SPTSSA: variants seen among roughly 807,000 people sequenced by gnomAD.
SPTSSA encodes serine palmitoyltransferase small subunit A.
SPTSSA carries 8 observed loss-of-function variants against 9.1 expected under a neutral mutation model. That is an observed-to-expected ratio of 0.88 (90% confidence interval 0.51 to 1.58). The LOEUF (loss-of-function observed/expected upper bound fraction) is 1.58, where lower values mean the gene tolerates loss of function less well. Ranked by LOEUF, SPTSSA falls within the 40% of genes most tolerant of loss-of-function variation. The pLI, the probability that SPTSSA is intolerant of heterozygous loss-of-function variation, is 0.00. For missense variants in SPTSSA, 100 were observed against 93.8 expected, an observed-to-expected ratio of 1.07 and a Z score of -0.27; for synonymous variants, 42 against 37.7, an observed-to-expected ratio of 1.11 and a Z score of -0.41.
At position 34,433,948 on chromosome 14, in the gene SPTSSA, G is replaced by A. The variant is rs983930766; in HGVS notation, c.*1253C>T. On this transcript the variant is annotated 3_prime_UTR_variant, in exon 2 of 2. Transcript: ENST00000298130. ...GTTGCACTCCATCCTGGGCGACAGG[G>A]CAAGACTCCGTCTCAAAAAAAAAAA... is the stretch of plus-strand genomic sequence containing the variant. 2.0e-5 allele frequency: 3 copies of A among 148,174 alleles called. No homozygotes were observed. Among genetic ancestry groups the A allele is most frequent in the African/African-American group, 7.6e-5 (3 of 39,424 alleles). The allele number at this position is 148,174 out of a possible 1,614,324, so 9.2% of individuals were successfully genotyped here. A position where few individuals can be genotyped will look rare whatever the true frequency, so the allele number is the denominator to read the frequency against.
At chr14:34,444,447 T>C (rs28825399) in intron 1 of SPTSSA, among the ~76,000 whole-genome samples, 13,859 of 152,150 alleles carry the variant, frequency 0.091, 1,330 homozygotes, top group African/African-American at 0.24. Flanking sequence ...ACGTTTTACA[T>C]TAAAGTTAAA....
chr14:34,434,602 A>G lies in SPTSSA; in HGVS notation c.*599T>C, dbSNP rs1024179535. The stretch of plus-strand genomic sequence containing the variant: ...TAGCAAGATCTTTTCTTTTTCATTA[A>G]GAAACACTTTAATAATTTTAAAGCA... On this transcript the variant is annotated 3_prime_UTR_variant, in exon 2 of 2. Transcript: ENST00000298130. 2.0e-5 allele frequency: 3 copies of G among 152,674 alleles called. No homozygotes were observed. Among genetic ancestry groups the G allele is most frequent in the Non-Finnish European group, 4.4e-5 (3 of 68,040 alleles). 9.5% of individuals were successfully genotyped at this position (152,674 alleles called of 1,614,324 possible).
intron 1 of SPTSSA, among the ~76,000 whole-genome samples, chr14:34,439,186 T>TAAAA (rs1489905543): frequency 6.6e-6 from 1 of 152,156 alleles, no homozygotes; most frequent in Non-Finnish European, 1.5e-5. Flanking sequence ...TGACCTTTTG[T>TAAAA]ATCTTCTTAT....
intron 1 of SPTSSA, among the ~76,000 whole-genome samples, chr14:34,441,806 T>A (rs1283778425): frequency 6.6e-6 from 1 of 152,084 alleles, no homozygotes; most frequent in Admixed American, 6.6e-5. Flanking sequence ...CACCGCCCAG[T>A]TCGCTTAAAC....
chr14:34,452,706 G>C (rs1883550451), intron 1 of SPTSSA, among the ~76,000 whole-genome samples: 1 of 152,108 alleles, frequency 6.6e-6, no homozygotes, highest in South Asian at 2.1e-4. Flanking sequence ...TTATTGATTT[G>C]AGCTTCTATT....
At chr14:34,447,856 A>C (rs72673420) in intron 1 of SPTSSA, among the ~76,000 whole-genome samples, 214 of 137,810 alleles carry the variant, frequency 1.6e-3, no homozygotes, top group Middle Eastern at 7.0e-3. Flanking sequence ...TAAATCTTTT[A>C]ACCAAATTCA....
At chr14:34,454,595 CA>C (rs1341071068) in intron 1 of SPTSSA, among the ~76,000 whole-genome samples, 4 of 152,124 alleles carry the variant, frequency 2.6e-5, no homozygotes, top group Non-Finnish European at 5.9e-5. Flanking sequence ...CAAACTAAAG[CA>C]GTAGGGCCCT....
At chr14:34,435,623 C>CTTTTTTT (rs769896697) in intron 1 of SPTSSA, among the ~76,000 whole-genome samples, 1,228 of 92,298 alleles carry the variant, frequency 0.013, 16 homozygotes, top group Non-Finnish European at 0.017. Context: ...GTTTGTTTCT[C>CTTTTTTT]TTTTTTTTTT....
intron 1 of SPTSSA, among the ~76,000 whole-genome samples, chr14:34,461,201 A>T (rs1566428140): frequency 1.3e-5 from 2 of 152,048 alleles, no homozygotes; most frequent in Admixed American, 1.3e-4. Context: ...GTTACATCTC[A>T]TTCATTATCA....
chr14:34,441,118 A>G (rs1420404522), intron 1 of SPTSSA, among the ~76,000 whole-genome samples: 1 of 152,154 alleles, frequency 6.6e-6, no homozygotes, highest in Non-Finnish European at 1.5e-5. Flanking sequence ...CTGTCTCCCA[A>G]AAAAAGAGAA....
At chr14:34,448,634 C>G (rs997495721) in intron 1 of SPTSSA, among the ~76,000 whole-genome samples, 1 of 152,170 alleles carries the variant, frequency 6.6e-6, no homozygotes, top group Admixed American at 6.5e-5. Context: ...TGTAACCGGG[C>G]CTTTGAGCCC....
intron 1 of SPTSSA, among the ~76,000 whole-genome samples, chr14:34,449,539 T>C (rs1214814718): frequency 7.6e-6 from 1 of 131,820 alleles, no homozygotes; most frequent in Non-Finnish European, 1.6e-5. Context: ...TTTCTTGCTC[T>C]GTATCCAGGC....
intron 1 of SPTSSA, among the ~76,000 whole-genome samples, chr14:34,460,146 G>A (rs1481183036): frequency 6.6e-6 from 1 of 152,160 alleles, no homozygotes; most frequent in Non-Finnish European, 1.5e-5. Flanking sequence ...CTATCAGATA[G>A]TTTTAAATGA....
At chr14:34,451,020 GA>G (rs1441295471) in intron 1 of SPTSSA, among the ~76,000 whole-genome samples, 1 of 141,778 alleles carries the variant, frequency 7.1e-6, no homozygotes, top group Non-Finnish European at 1.5e-5. Context: ...AAGAAATAAA[GA>G]TTTTTTTTTT....
intron 1 of SPTSSA, among the ~76,000 whole-genome samples, chr14:34,440,040 C>T (rs1390596153): frequency 6.6e-6 from 1 of 152,202 alleles, no homozygotes; most frequent in Admixed American, 6.6e-5. Flanking sequence ...TCATAAAGCT[C>T]CTTTAATACT....
chr14:34,452,245 CAAA>C (rs532756986), intron 1 of SPTSSA, among the ~76,000 whole-genome samples: 28,558 of 96,196 alleles, frequency 0.3, 2,851 homozygotes, highest in Middle Eastern at 0.44. Flanking sequence ...GACTCAATCT[CAAA>C]AAAAAAAAAA....
At chr14:34,451,585 C>T (rs575924264) in intron 1 of SPTSSA, among the ~76,000 whole-genome samples, 1,730 of 151,764 alleles carry the variant, frequency 0.011, 35 homozygotes, top group African/African-American at 0.038. Context: ...TAGCCGGGCG[C>T]GGTGGCGGGC....
Position 34,434,733 on chromosome 14 carries a change from C to G in SPTSSA, c.*468G>C, listed in dbSNP as rs1279405358. ...ATAAAATATCTTCCCTCCCCATACC[C>G]CTACCCGAAATCTTATATTGTTCTT... On this transcript the variant is annotated 3_prime_UTR_variant, in exon 2 of 2. Coordinates refer to ENST00000298130, the MANE Select transcript of SPTSSA (RefSeq NM_138288.4). 6.5e-6 allele frequency: 1 copy of G among 152,730 alleles called. No individual in the cohort carries two copies. Among genetic ancestry groups the G allele is most frequent in the East Asian group, 1.9e-4 (1 of 5,208 alleles). The allele number at this position is 152,730 out of a possible 1,614,324, so 9.5% of individuals were successfully genotyped here. A position where few individuals can be genotyped will look rare whatever the true frequency, so the allele number is the denominator to read the frequency against.
At chr14:34,448,502 C>T (rs1291750976) in intron 1 of SPTSSA, among the ~76,000 whole-genome samples, 1 of 152,134 alleles carries the variant, frequency 6.6e-6, no homozygotes, top group Non-Finnish European at 1.5e-5. Context: ...GAAATATCCT[C>T]TCCAGAGGGT....
Sources: allele counts gnomAD v4.1 joint callset (sites outside exome capture counted in the v4.1 genomes callset), GRCh38; gene constraint gnomAD v4.1.1; transcripts MANE v1.5; gene names NCBI Gene and HGNC (gene_info 2026-07-23, HGNC 2026-07-21).